ZNF106: variants seen among roughly 807,000 people sequenced by gnomAD.
The protein encoded by ZNF106 is zinc finger protein 106.
Under a neutral mutation model 195.1 loss-of-function variants are expected in ZNF106, and 67 were observed. The ratio of observed to expected loss-of-function variants is 0.34; its 90% CI spans 0.28 to 0.42. The LOEUF (loss-of-function observed/expected upper bound fraction) is 0.42, where lower values mean the gene tolerates loss of function less well. Ranked by LOEUF, ZNF106 falls within the 10% of genes least tolerant of loss-of-function variation. ZNF106 has a pLI of 1.00. For missense variants in ZNF106, 2,118 were observed against 2,304.5 expected (o/e 0.92, Z 1.66); for synonymous variants, 784 against 818.6 (o/e 0.96, Z 0.72).
At chr15:42,446,089 T>C (rs1288960883) in intron 7 of ZNF106, among the ~76,000 whole-genome samples, 6 of 152,232 alleles carry the variant, frequency 3.9e-5, no homozygotes, top group Non-Finnish European at 8.8e-5. Context: ...CCAAGTGGTA[T>C]ACTAACCTTG....
At position 42,417,173 on chromosome 15, in the gene ZNF106, A is replaced by G. The variant is rs901545718; in HGVS notation, c.*131T>C. ...CCATAGAGCTGCCCAGACTTATGCT[A>G]GGGGTATGCCTGGCTAGTAACCACT... On this transcript the variant is annotated 3_prime_UTR_variant, in exon 22 of 22. Transcript: ENST00000564754. 2.3e-6 allele frequency: 2 copies of G among 861,858 alleles called. No homozygotes were observed. Among genetic ancestry groups the G allele is most frequent in the African/African-American group, 3.4e-5 (2 of 59,322 alleles). The allele number at this position is 861,858 out of a possible 1,614,324, so 53.4% of individuals were successfully genotyped here.
chr15:42,428,183 G>T, intron 14 of ZNF106, 49 bp from the exon 15 acceptor site: 1 of 1,507,700 alleles, frequency 6.6e-7, no homozygotes, highest in Non-Finnish European at 9.2e-7. Context: ...TGGCAAATGA[G>T]ATGTCAAAAA....
At chr15:42,461,619 A>G (rs2056393530) in intron 3 of ZNF106, among the ~76,000 whole-genome samples, 1 of 152,254 alleles carries the variant, frequency 6.6e-6, no homozygotes, top group East Asian at 1.9e-4. Context: ...AATGTTTCAC[A>G]TGTCCACAGC....
chr15:42,418,128 G>A lies in ZNF106; in HGVS notation c.5518-177C>T, dbSNP rs115420909. Among the ~76,000 whole-genome samples the A allele has an allele frequency of 5.9e-3, 892 of 152,284 alleles. 6 individuals are homozygous for A. Among genetic ancestry groups the A allele is most frequent in the African/African-American group, 0.021 (854 of 41,556 alleles). On this transcript the variant is annotated intron_variant, in intron 20 of 21. Transcript: ENST00000564754. Reference sequence around the variant, plus strand: ...AAGGCAACCAAAATATCAGTATAATGAGGAACCTTGAAAATACTGGAAAAA... The same window carrying A: ...AAGGCAACCAAAATATCAGTATAATAAGGAACCTTGAAAATACTGGAAAAA...
Position 42,437,322 on chromosome 15 carries a change from T to C in ZNF106, c.4656A>G (p.Gly1552=). Reference sequence around the variant, plus strand: ...GAATTGCATTTACGGCAGCTTGGTGTCCCTCAAAGCTTCCTTCTGTGGGTT... The same window carrying C: ...GAATTGCATTTACGGCAGCTTGGTGCCCCTCAAAGCTTCCTTCTGTGGGTT... ...DDEPTEGSFE[G]HQAAVNAIQI... is the part of the protein sequence containing the mutation. Residue 1552 remains glycine (G), a synonymous_variant, in exon 13 of 22, where the codon GGA becomes GGG. Transcript: ENST00000564754. The C allele has an allele frequency of 6.2e-7, 1 of 1,614,130 alleles. No homozygotes were observed.
rs779848380 is a variant in ZNF106 at position 42,428,092 on chromosome 15, G to C, written c.4924C>G (p.Leu1642Val). Residue 1642 changes from leucine (L) to valine (V), a missense_variant, in exon 15 of 22, where the codon CTC becomes GTC. Leu to Val is a conservative substitution (Grantham distance 32). Transcript: ENST00000564754. Reference protein sequence around the residue: ...VEQLQLEDRVLCLHSRWRILY... With the variant: ...VEQLQLEDRVVCLHSRWRILY... ...ATTCGCCATCTACTGTGGAGGCAGA[G>C]GACCCGGTCTTCCAGCTGTAACTGC... 2 of 1,613,986 alleles carry C rather than the reference G, an allele frequency of 1.2e-6. No individual in the cohort carries two copies. Among genetic ancestry groups the C allele is most frequent in the African/African-American group, 2.7e-5 (2 of 74,898 alleles).
chr15:42,419,322 G>A (rs1352831172), intron 20 of ZNF106, among the ~76,000 whole-genome samples: 3 of 151,870 alleles, frequency 2.0e-5, no homozygotes, highest in Non-Finnish European at 2.9e-5. Flanking sequence ...AGCCAAGATC[G>A]CACTCCAGCC....
At chr15:42,456,378 G>T (rs1422473530) in intron 4 of ZNF106, among the ~76,000 whole-genome samples, 1 of 152,160 alleles carries the variant, frequency 6.6e-6, no homozygotes, top group East Asian at 1.9e-4. Context: ...GACAGGTACG[G>T]TGGCTCACGC....
intron 4 of ZNF106, among the ~76,000 whole-genome samples, chr15:42,453,024 C>T (rs965744810): frequency 1.3e-5 from 2 of 152,088 alleles, no homozygotes; most frequent in Non-Finnish European, 2.9e-5. Context: ...ATTTTATGTT[C>T]AGCTGCCCTT....
At chr15:42,471,722 T>A (rs1228999145) in intron 2 of ZNF106, among the ~76,000 whole-genome samples, 1 of 152,008 alleles carries the variant, frequency 6.6e-6, no homozygotes, top group Admixed American at 6.6e-5. Flanking sequence ...CACAGTTAAG[T>A]CTCCATTTCA....
chr15:42,467,598 G>A (rs1398329117), intron 2 of ZNF106, among the ~76,000 whole-genome samples: 3 of 149,922 alleles, frequency 2.0e-5, no homozygotes, highest in Admixed American at 1.3e-4. Context: ...GACCAGCCTA[G>A]CTAACATGGT....
intron 1 of ZNF106, among the ~76,000 whole-genome samples, chr15:42,485,519 C>T (rs778860867): frequency 4.2e-4 from 64 of 152,238 alleles, no homozygotes; most frequent in Middle Eastern, 3.4e-3. Flanking sequence ...TCCCACACCC[C>T]GAAGTAAGTG....
rs533100219 is a variant in ZNF106 at position 42,413,031 on chromosome 15, C to T, written c.*4273G>A. On this transcript the variant is annotated 3_prime_UTR_variant, in exon 22 of 22. Transcript: ENST00000564754. ...CAAGGGTGCTGGAGCAGCTCTAGGG[C>T]ATATATTTCTCTTAAATAGGAGAAA... 1.3e-5 allele frequency: 2 copies of T among 152,244 alleles called. No individual in the cohort carries two copies. The highest frequency in any genetic ancestry group is 1.9e-4 in the East Asian group (1 of 5,186). 9.4% of individuals were successfully genotyped at this position (152,244 alleles called of 1,614,324 possible). A position where few individuals can be genotyped will look rare whatever the true frequency, so the allele number is the denominator to read the frequency against.
chr15:42,438,417 G>A (rs867187022), intron 12 of ZNF106, among the ~76,000 whole-genome samples, 195 bp downstream of exon 12: 1 of 152,090 alleles, frequency 6.6e-6, no homozygotes, highest in Non-Finnish European at 1.5e-5. Context: ...AGATAGATGA[G>A]AATAAGAATC....
intron 3 of ZNF106, 22 bp from the exon 4 acceptor site, chr15:42,457,180 G>A: frequency 6.2e-7 from 1 of 1,613,924 alleles, no homozygotes; most frequent in East Asian, 2.2e-5. Flanking sequence ...GGGAGATGAG[G>A]GACATTCAAT....
chr15:42,429,309 C>T (rs980893641), intron 14 of ZNF106, among the ~76,000 whole-genome samples: 14 of 151,358 alleles, frequency 9.2e-5, no homozygotes, highest in African/African-American at 2.9e-4. Context: ...CATGGTGGTG[C>T]GTGCTTGTAG....
intron 1 of ZNF106, among the ~76,000 whole-genome samples, chr15:42,482,531 T>TG (rs1477766099): frequency 7.2e-6 from 1 of 138,194 alleles, no homozygotes; most frequent in East Asian, 2.0e-4. Context: ...AGTTTTTTTT[T>TG]TTTTTTTTTT....
chr15:42,437,154 C>T, intron 13 of ZNF106, 78 bp downstream of exon 13: 3 of 1,486,446 alleles, frequency 2.0e-6, no homozygotes, highest in Non-Finnish European at 1.8e-6. Context: ...AACAAATTCC[C>T]TTTATTGTTT....
At chr15:42,481,366 T>G (rs2056897528) in intron 1 of ZNF106, among the ~76,000 whole-genome samples, 3 of 145,788 alleles carry the variant, frequency 2.1e-5, no homozygotes, top group African/African-American at 7.7e-5. Flanking sequence ...TGTTTTTTTT[T>G]TTTTTTTTTG....
Sources: allele counts gnomAD v4.1 joint callset (sites outside exome capture counted in the v4.1 genomes callset), GRCh38; gene constraint gnomAD v4.1.1; transcripts MANE v1.5; gene names NCBI Gene and HGNC (gene_info 2026-07-23, HGNC 2026-07-21).